Variants in ATRNL1 observed in about 807,000 individuals in gnomAD.
ATRNL1 encodes the protein attractin like 1, also known as attractin-like protein 1.
Under a neutral mutation model 182.7 loss-of-function variants are expected in ATRNL1, and 95 were observed. The observed-to-expected ratio is 0.52, with a 90% confidence interval of 0.44 to 0.62. The LOEUF (loss-of-function observed/expected upper bound fraction) is 0.62. ATRNL1 is among the 20% of genes least tolerant of loss of function. ATRNL1 has a pLI of 0.00. For missense variants in ATRNL1, 1,471 were observed against 1,679.5 expected, an observed-to-expected ratio of 0.88 and a Z score of 2.17; for synonymous variants, 576 against 568.3, an observed-to-expected ratio of 1.01 and a Z score of -0.19.
chr10:115,384,891 A>G (rs904224199), intron 19 of ATRNL1, among the ~76,000 whole-genome samples: 1 of 151,306 alleles, frequency 6.6e-6, no homozygotes, highest in Non-Finnish European at 1.5e-5. Flanking sequence ...TTGTCTGGAT[A>G]TACCACATTT....
chr10:115,843,554 A>G (rs1240571410), intron 27 of ATRNL1, among the ~76,000 whole-genome samples: 1 of 152,072 alleles, frequency 6.6e-6, no homozygotes, highest in Non-Finnish European at 1.5e-5. Flanking sequence ...GATGCCTTAG[A>G]CAGTAGGAAG....
intron 1 of ATRNL1, 122 bp from the exon 2 acceptor site, chr10:115,120,063 C>T (rs1303936848): frequency 3.4e-6 from 2 of 585,380 alleles, no homozygotes; most frequent in East Asian, 3.4e-5. Context: ...AATAAATCCT[C>T]CTTTTTGAAA....
intron 22 of ATRNL1, 55 bp from the exon 23 acceptor site, chr10:115,467,119 A>G: frequency 2.1e-6 from 2 of 934,358 alleles, no homozygotes; most frequent in Admixed American, 1.9e-5. Context: ...AGACTAAATC[A>G]TATATATCTA....
At chr10:115,789,877 A>G (rs1949485352) in intron 27 of ATRNL1, among the ~76,000 whole-genome samples, 1 of 152,198 alleles carries the variant, frequency 6.6e-6, no homozygotes, top group South Asian at 2.1e-4. Context: ...TAAATTCTGG[A>G]AAAGGGTATC....
intron 19 of ATRNL1, among the ~76,000 whole-genome samples, chr10:115,387,595 A>G (rs1374772466): frequency 1.3e-5 from 2 of 152,170 alleles, no homozygotes; most frequent in African/African-American, 4.8e-5. Context: ...ACCCATAACC[A>G]TTAAACAACC....
At chr10:115,308,317 A>G (rs1554926839) in intron 17 of ATRNL1, among the ~76,000 whole-genome samples, 1 of 152,138 alleles carries the variant, frequency 6.6e-6, no homozygotes, top group African/African-American at 2.4e-5. Context: ...AATGAATTCC[A>G]GGGCAATGTT....
intron 27 of ATRNL1, among the ~76,000 whole-genome samples, chr10:115,841,645 C>A (rs1555097185): frequency 6.6e-6 from 1 of 152,076 alleles, no homozygotes; most frequent in East Asian, 1.9e-4. Context: ...TGTCCACTAG[C>A]TTAATTTCTT....
chr10:115,819,708 C>T (rs1254788641), intron 27 of ATRNL1: 3 of 152,062 alleles, frequency 2.0e-5, no homozygotes, highest in African/African-American at 7.2e-5. Context: ...AGTTTTACTT[C>T]ATAAGTAAAT....
chr10:115,269,540 G>T (rs1433624757), intron 13 of ATRNL1, among the ~76,000 whole-genome samples: 3 of 151,924 alleles, frequency 2.0e-5, no homozygotes, highest in East Asian at 3.9e-4. Flanking sequence ...CACCATGTTG[G>T]CCAGGCTGGT....
chr10:115,171,360 T>G (rs1592207275), intron 8 of ATRNL1, 68 bp downstream of exon 8: 2 of 1,378,746 alleles, frequency 1.5e-6, no homozygotes, highest in Non-Finnish European at 2.0e-6. Context: ...AAAATCTTCA[T>G]ATGAATTTAG....
chr10:115,531,200 C>A (rs1257236932), intron 25 of ATRNL1, among the ~76,000 whole-genome samples: 1 of 151,968 alleles, frequency 6.6e-6, no homozygotes, highest in Non-Finnish European at 1.5e-5. Flanking sequence ...GAGTAATCGC[C>A]ACACTGACTT....
chr10:115,672,001 A>G (rs1272984415), intron 26 of ATRNL1, among the ~76,000 whole-genome samples: 2 of 152,152 alleles, frequency 1.3e-5, no homozygotes, highest in Non-Finnish European at 2.9e-5. Context: ...AGATTTTTAC[A>G]TAATATTCAC....
At chr10:115,138,706 G>A (rs782206984) in intron 5 of ATRNL1, among the ~76,000 whole-genome samples, 18 of 152,164 alleles carry the variant, frequency 1.2e-4, no homozygotes, top group Non-Finnish European at 2.1e-4. Flanking sequence ...TAGGCCTCTG[G>A]GCCTGTGATG....
At chr10:115,774,090 C>A (rs1949059636) in intron 27 of ATRNL1, among the ~76,000 whole-genome samples, 1 of 152,176 alleles carries the variant, frequency 6.6e-6, no homozygotes, top group Admixed American at 6.5e-5. Flanking sequence ...AGCACTCATC[C>A]TAGAATAACC....
intron 20 of ATRNL1, among the ~76,000 whole-genome samples, chr10:115,396,698 C>T (rs539415862): frequency 6.6e-6 from 1 of 151,958 alleles, no homozygotes; most frequent in Admixed American, 6.6e-5. Context: ...TAAACACTGT[C>T]AATCTTCTTA....
intron 18 of ATRNL1, among the ~76,000 whole-genome samples, chr10:115,331,589 C>T (rs1353416370): frequency 1.3e-5 from 2 of 151,798 alleles, no homozygotes; most frequent in South Asian, 2.1e-4. Context: ...TTGTTTTGGG[C>T]GTTTCATGAG....
rs147621109 is a variant in ATRNL1 at position 115,438,775 on chromosome 10, C to T, written c.3322+12473C>T. ...AGTCATATAAGACTAGGATGAGAGA[C>T]TGATTATCTTGTATGTTTTTGTTAG... is the stretch of plus-strand genomic sequence containing the variant. On this transcript the variant is annotated intron_variant, in intron 21 of 28. Transcript: ENST00000355044. 8.6e-5 allele frequency among the ~76,000 whole-genome samples: 13 copies of T among 151,954 alleles called. No individual in the cohort carries two copies. The East Asian group carries it at 2.5e-3, about 29-fold the overall frequency.
chr10:115,156,205 G>C (rs1846511693), intron 5 of ATRNL1, among the ~76,000 whole-genome samples: 1 of 152,120 alleles, frequency 6.6e-6, no homozygotes, highest in Admixed American at 6.6e-5. Flanking sequence ...CATGTGGAAA[G>C]ACTGTAATCC....
At chr10:115,617,687 A>T (rs1401735844) in intron 26 of ATRNL1, among the ~76,000 whole-genome samples, 1 of 152,184 alleles carries the variant, frequency 6.6e-6, no homozygotes, top group Non-Finnish European at 1.5e-5. Flanking sequence ...TTACACACTC[A>T]TAGGCATAAG....
Sources: gnomAD v4.1 joint callset for allele counts (sites outside exome capture counted in the v4.1 genomes callset) on GRCh38, gnomAD v4.1.1 for gene constraint, MANE v1.5 for transcripts, NCBI Gene and HGNC (gene_info 2026-07-23, HGNC 2026-07-21) for gene names.